Variants in RCBTB1 observed in about 807,000 individuals in gnomAD.
RCBTB1 encodes the protein RCC1 and BTB domain-containing protein 1.
RCBTB1 carries 46 observed loss-of-function variants against 62.4 expected under a neutral mutation model. That is an observed-to-expected ratio of 0.74 (90% CI 0.58 to 0.94). The LOEUF is 0.94. RCBTB1 is among the 40% of genes least tolerant of loss of function. RCBTB1 has a pLI of 0.00. For missense variants in RCBTB1, 565 were observed against 654.9 expected, an observed-to-expected ratio of 0.86 and a Z score of 1.50; for synonymous variants, 222 against 245.8, an observed-to-expected ratio of 0.90 and a Z score of 0.91.
Position 49,566,658 on chromosome 13 carries a change from G to T in RCBTB1, c.237C>A (p.Leu79=), listed in dbSNP as rs562972222. Reference sequence around the variant, plus strand: ...GAACATGTGGTCCACTCCCGTAACTGAGGCTTTTAATCTTCTTTCCACATA... The same window carrying T: ...GAACATGTGGTCCACTCCCGTAACTTAGGCTTTTAATCTTCTTTCCACATA... ...EGLCGKKIKS[L]SYGSGPHVLL... The change falls in exon 4 of 13, where the codon CTC becomes CTA. Residue 79 remains leucine (L), a synonymous_variant. Coordinates refer to ENST00000378302, the MANE Select transcript of RCBTB1 (RefSeq NM_018191.4). The T allele has an allele frequency of 2.0e-5, 32 of 1,614,116 alleles. 1 individual carries two copies. In the South Asian group the frequency reaches 3.5e-4, roughly 18 times the overall value.
chr13:49,555,933 G>A (rs1430538938), intron 5 of RCBTB1, among the ~76,000 whole-genome samples: 1 of 152,120 alleles, frequency 6.6e-6, no homozygotes, highest in East Asian at 1.9e-4. Flanking sequence ...TGACTTGCTT[G>A]AGGTACCAAA....
intron 1 of RCBTB1, among the ~76,000 whole-genome samples, chr13:49,583,092 G>A (rs978627555): frequency 2.6e-5 from 4 of 152,156 alleles, no homozygotes; most frequent in African/African-American, 9.7e-5. Context: ...GATCACTTGA[G>A]CCTGGGAGTT....
chr13:49,553,052 C>T (rs564973113), intron 6 of RCBTB1, among the ~76,000 whole-genome samples: 3 of 152,092 alleles, frequency 2.0e-5, no homozygotes, highest in South Asian at 2.1e-4. Flanking sequence ...CGTGGTGGCG[C>T]GTGCCTGTAA....
rs1960958796 is a variant in RCBTB1, at chr13:49,547,985, CCCAGGCTGG to C, written c.1045+1464_1045+1472del. Among the ~76,000 whole-genome samples, 3 of 152,040 alleles carry C rather than the reference CCCAGGCTGG, an allele frequency of 2.0e-5. No homozygotes were observed. In the South Asian group the frequency reaches 6.2e-4, roughly 32 times the overall value. ...GTAGAGATGGGGTTTCGCCATGTTGCCCAGGCTGGTCTAAAACTCCTGAGCTCAAGCAAT... is the reference window on the plus strand; with the variant it reads ...GTAGAGATGGGGTTTCGCCATGTTGCTCTAAAACTCCTGAGCTCAAGCAAT... On this transcript the variant is annotated intron_variant, in intron 9 of 12. Transcript: ENST00000378302.
intron 2 of RCBTB1, among the ~76,000 whole-genome samples, chr13:49,568,727 G>A (rs994497765): frequency 4.1e-4 from 63 of 152,006 alleles, no homozygotes; most frequent in Non-Finnish European, 4.4e-5. Flanking sequence ...TCAAGAGATC[G>A]AGACCATCCT....
At chr13:49,574,959 A>G (rs1309474701) in intron 2 of RCBTB1, among the ~76,000 whole-genome samples, 1 of 152,244 alleles carries the variant, frequency 6.6e-6, no homozygotes, top group African/African-American at 2.4e-5. Flanking sequence ...TGAAGACATT[A>G]TGCTAATAAG....
rs10710755 is a variant in RCBTB1 at position 49,564,583 on chromosome 13, CAAAAAAA to C, written c.277+2028_277+2034del. Among the ~76,000 whole-genome samples, 15 of 39,320 alleles carry C rather than the reference CAAAAAAA, an allele frequency of 3.8e-4. No homozygotes were observed. The East Asian group carries it at 5.0e-3, about 13-fold the overall frequency. The allele number at this position is 39,320 out of a possible 152,430, so 25.8% of individuals were successfully genotyped here. A position where few individuals can be genotyped will look rare whatever the true frequency, so the allele number is the denominator to read the frequency against. On this transcript the variant is annotated intron_variant, in intron 4 of 12. Transcript: ENST00000378302. The stretch of plus-strand genomic sequence containing the variant: ...CTGGAGACAGAGCGAGACTCCTTCT[CAAAAAAA>C]AAAAAAAAAAAAAAAAAAATGCCGG...
At chr13:49,548,655 C>A (rs1371789019) in intron 9 of RCBTB1, among the ~76,000 whole-genome samples, 1 of 151,696 alleles carries the variant, frequency 6.6e-6, no homozygotes, top group East Asian at 1.9e-4. Flanking sequence ...AGACATATTA[C>A]GTCAATGGGC....
At chr13:49,541,897 T>G (rs1960393216) in intron 10 of RCBTB1, 70 bp from the exon 11 acceptor site, 9 of 1,492,336 alleles carry the variant, frequency 6.0e-6, no homozygotes, top group Non-Finnish European at 8.1e-6. Flanking sequence ...AATTACCTAA[T>G]TAAGTTGATA....
At chr13:49,560,273 C>G (rs980119989) in intron 4 of RCBTB1, among the ~76,000 whole-genome samples, 189 bp from the exon 5 acceptor site, 2 of 152,158 alleles carry the variant, frequency 1.3e-5, no homozygotes, top group African/African-American at 4.8e-5. Context: ...TAGACAGATG[C>G]AAAATCTTTA....
chr13:49,567,223 C>T lies in RCBTB1; in HGVS notation c.57G>A (p.Ala19=), dbSNP rs1206940106. Residue 19 remains alanine, a synonymous_variant, in exon 3 of 13, where the codon GCG becomes GCA. Transcript: ENST00000378302. ...CGAAGACACACGCCTTCCGAATAGA[C>T]GCGATCTCTTGAGGGGAGAGTAGAG... ...IFTLLSPQEI[A]SIRKACVFGT... 8.7e-6 allele frequency: 14 copies of T among 1,613,928 alleles called. No homozygotes were observed. The highest frequency in any genetic ancestry group is 5.3e-5 in the African/African-American group (4 of 74,926).
At chr13:49,569,889 C>A (rs1963287258) in intron 2 of RCBTB1, among the ~76,000 whole-genome samples, 1 of 151,952 alleles carries the variant, frequency 6.6e-6, no homozygotes, top group Non-Finnish European at 1.5e-5. Flanking sequence ...ACCTGGGTGA[C>A]AGAGGGAGAC....
rs766986050 is a variant in RCBTB1 at position 49,557,316 on chromosome 13, T to C, written c.445-1643A>G. 1.8e-3 allele frequency among the ~76,000 whole-genome samples: 275 copies of C among 151,388 alleles called. 1 individual carries two copies. Among genetic ancestry groups the C allele is most frequent in the Non-Finnish European group, 3.3e-3 (224 of 67,880 alleles). ...AATGACAAGACTTGACCAAAGGCAA[T>C]GGAAATGGAGAGGAACAAAATGGAG... On this transcript the variant is annotated intron_variant, in intron 5 of 12. Coordinates refer to ENST00000378302, the MANE Select transcript of RCBTB1 (RefSeq NM_018191.4).
intron 12 of RCBTB1, chr13:49,539,415 A>G (rs547512092): frequency 9.2e-5 from 14 of 152,266 alleles, no homozygotes; most frequent in Non-Finnish European, 1.3e-4. Context: ...TTTTCTGTAA[A>G]CTTCCTAGGA....
intron 5 of RCBTB1, among the ~76,000 whole-genome samples, chr13:49,556,064 C>T (rs1420021712): frequency 6.6e-6 from 1 of 152,160 alleles, no homozygotes; most frequent in Non-Finnish European, 1.5e-5. Flanking sequence ...CACATACACA[C>T]ATACGAATGT....
intron 9 of RCBTB1, among the ~76,000 whole-genome samples, chr13:49,545,580 A>G (rs1960724629): frequency 6.6e-6 from 1 of 152,216 alleles, no homozygotes; most frequent in African/African-American, 2.4e-5. Flanking sequence ...AGGAAAAGTA[A>G]AGGCACTTGT....
At chr13:49,562,321 A>G (rs1962504459) in intron 4 of RCBTB1, among the ~76,000 whole-genome samples, 2 of 151,756 alleles carry the variant, frequency 1.3e-5, no homozygotes, top group Admixed American at 6.6e-5. Flanking sequence ...GGGAGAGAAC[A>G]TTTTTAAAAA....
chr13:49,583,748 A>G (rs1048365090), intron 1 of RCBTB1, among the ~76,000 whole-genome samples: 3 of 152,116 alleles, frequency 2.0e-5, no homozygotes, highest in Admixed American at 6.6e-5. Flanking sequence ...GGGTTTCACC[A>G]TGTTGGCCAA....
chr13:49,532,672 A>AC lies in RCBTB1; in HGVS notation c.*1449dup, dbSNP rs1198751923. On this transcript the variant is annotated 3_prime_UTR_variant, in exon 13 of 13. Transcript: ENST00000378302. ...TCTTTAGGGCCTCACTCCCCTTCCC[A>AC]CCCCAATAGACACAAATTTAAAAAC... is the stretch of plus-strand genomic sequence containing the variant. 6.6e-6 allele frequency: 1 copy of AC among 151,922 alleles called. No individual in the cohort carries two copies. The highest frequency in any genetic ancestry group is 2.4e-5 in the African/African-American group (1 of 41,362). The allele number at this position is 151,922 out of a possible 1,614,324, so 9.4% of individuals were successfully genotyped here.
Sources: gnomAD v4.1 joint callset for allele counts (sites outside exome capture counted in the v4.1 genomes callset) on GRCh38, gnomAD v4.1.1 for gene constraint, MANE v1.5 for transcripts, NCBI Gene and HGNC (gene_info 2026-07-23, HGNC 2026-07-21) for gene names.